The following GPC5 variants were observed in gnomAD, a reference collection of about 807,000 sequenced individuals.
GPC5 encodes glypican 5.
Under a neutral mutation model 53.9 loss-of-function variants are expected in GPC5, and 47 were observed. The observed-to-expected ratio is 0.87, with a 90% CI of 0.69 to 1.11. The LOEUF is 1.11. Ranked by LOEUF, GPC5 falls within the 50% of genes most tolerant of loss-of-function variation. The pLI is 0.00. For missense variants in GPC5, 748 were observed against 713.1 expected (o/e 1.05, Z -0.56); for synonymous variants, 286 against 263.3 (o/e 1.09, Z -0.84).
rs578106549 is a variant in GPC5 at position 92,292,768 on chromosome 13, A to G, written c.1561+147779A>G. Among the ~76,000 whole-genome samples, 12 of 152,228 alleles carry G rather than the reference A, an allele frequency of 7.9e-5. 1 individual carries two copies. The South Asian group carries it at 2.1e-3, about 26-fold the overall frequency. ...AAGCCAGTGTCTAGAAGTTTTTCCA[A>G]TGTTATATTCTAGAATTTTTATAGT... On this transcript the variant is annotated intron_variant, in intron 7 of 7. Coordinates refer to ENST00000377067, the MANE Select transcript of GPC5 (RefSeq NM_004466.6).
intron 2 of GPC5, among the ~76,000 whole-genome samples, chr13:91,637,768 T>A (rs1206805541): frequency 6.6e-6 from 1 of 152,102 alleles, no homozygotes; most frequent in African/African-American, 2.4e-5. Context: ...TGGGAAGCAA[T>A]CTTGACCTAC....
At chr13:92,702,364 A>G (rs1309988315) in intron 7 of GPC5, among the ~76,000 whole-genome samples, 1 of 152,096 alleles carries the variant, frequency 6.6e-6, no homozygotes, top group Non-Finnish European at 1.5e-5. Context: ...ATGTCTAAAC[A>G]GCATCTTAAA....
intron 7 of GPC5, among the ~76,000 whole-genome samples, chr13:92,452,652 C>G (rs1303006474): frequency 6.6e-6 from 1 of 152,124 alleles, no homozygotes; most frequent in Non-Finnish European, 1.5e-5. Context: ...ACTGCAACCT[C>G]TGCCTCCCAG....
At chr13:92,386,611 G>A (rs1874738331) in intron 7 of GPC5, among the ~76,000 whole-genome samples, 1 of 151,858 alleles carries the variant, frequency 6.6e-6, no homozygotes, top group African/African-American at 2.4e-5. Context: ...TCACTGAATG[G>A]GAAATAAATT....
chr13:91,928,671 C>T (rs921774276), intron 6 of GPC5, among the ~76,000 whole-genome samples: 11 of 152,140 alleles, frequency 7.2e-5, no homozygotes, highest in East Asian at 1.9e-4. Flanking sequence ...TAAGCAGGCA[C>T]GTAGGGGACT....
At chr13:91,844,040 T>G (rs1273114994) in intron 5 of GPC5, among the ~76,000 whole-genome samples, 2 of 152,186 alleles carry the variant, frequency 1.3e-5, no homozygotes, top group African/African-American at 4.8e-5. Context: ...GTTTTGCGTT[T>G]ATCTGATGTG....
At chr13:92,592,417 T>G (rs1410626728) in intron 7 of GPC5, among the ~76,000 whole-genome samples, 6 of 151,278 alleles carry the variant, frequency 4.0e-5, no homozygotes, top group Non-Finnish European at 8.9e-5. Flanking sequence ...CTCTCTTCCA[T>G]TTTTTTCTTC....
At chr13:92,423,066 C>T (rs117875437) in intron 7 of GPC5, among the ~76,000 whole-genome samples, 56 of 150,802 alleles carry the variant, frequency 3.7e-4, no homozygotes, top group East Asian at 3.4e-3. Context: ...AGTGAGGTCC[C>T]GCTTCCTGGT....
At chr13:92,143,379 A>G (rs1308319406) in intron 6 of GPC5, among the ~76,000 whole-genome samples, 1 of 152,038 alleles carries the variant, frequency 6.6e-6, no homozygotes, top group African/African-American at 2.4e-5. Context: ...TTTCCTTTTT[A>G]GATTTGACTT....
At chr13:92,785,456 A>G (rs1594505853) in intron 7 of GPC5, among the ~76,000 whole-genome samples, 1 of 152,204 alleles carries the variant, frequency 6.6e-6, no homozygotes, top group Non-Finnish European at 1.5e-5. Context: ...AAGAAAACTA[A>G]TCTTCCTAAT....
intron 7 of GPC5, among the ~76,000 whole-genome samples, chr13:92,842,634 C>T (rs961504727): frequency 5.4e-5 from 8 of 147,310 alleles, no homozygotes; most frequent in African/African-American, 2.0e-4. Context: ...TATCTCCCAA[C>T]AATGGGTAGG....
intron 3 of GPC5, among the ~76,000 whole-genome samples, chr13:91,709,360 C>G (rs537366929): frequency 1.1e-4 from 16 of 152,162 alleles, no homozygotes; most frequent in Non-Finnish European, 2.1e-4. Flanking sequence ...CACATTCTGG[C>G]CTTTACCACC....
intron 6 of GPC5, among the ~76,000 whole-genome samples, chr13:92,063,792 T>A (rs1003161857): frequency 7.9e-5 from 12 of 152,178 alleles, no homozygotes; most frequent in African/African-American, 2.9e-4. Flanking sequence ...CATAAAAAGT[T>A]TAATACTTTA....
chr13:92,239,521 CCTT>C, intron 7 of GPC5, among the ~76,000 whole-genome samples: 1 of 151,936 alleles, frequency 6.6e-6, no homozygotes, highest in Admixed American at 6.6e-5. Context: ...CCACTACACA[CCTT>C]CTTTGCGTAT....
chr13:91,656,009 A>G (rs181651335), intron 2 of GPC5, among the ~76,000 whole-genome samples: 26 of 152,192 alleles, frequency 1.7e-4, no homozygotes, highest in Non-Finnish European at 3.8e-4. Flanking sequence ...CCTTTTAGTG[A>G]TCGTTGTGTC....
At chr13:92,518,534 A>G (rs1288174402) in intron 7 of GPC5, among the ~76,000 whole-genome samples, 1 of 152,192 alleles carries the variant, frequency 6.6e-6, no homozygotes, top group East Asian at 1.9e-4. Flanking sequence ...ACTAAGCTTC[A>G]TAAGTGAAGG....
At chr13:92,432,847 C>T (rs1451622133) in intron 7 of GPC5, among the ~76,000 whole-genome samples, 2 of 152,000 alleles carry the variant, frequency 1.3e-5, no homozygotes, top group Non-Finnish European at 2.9e-5. Flanking sequence ...TTTTCCTTTT[C>T]CTTTCCTTTT....
In GPC5 at chr13:92,046,121, G is replaced by GAA. The variant is rs11443585; in HGVS notation, c.1402-98699_1402-98698dup. Among the ~76,000 whole-genome samples the GAA allele has an allele frequency of 1.2e-3, 178 of 147,658 alleles. 1 individual carries two copies. The highest frequency in any genetic ancestry group is 2.1e-3 in the African/African-American group (83 of 40,288). On this transcript the variant is annotated intron_variant, in intron 6 of 7. Coordinates refer to ENST00000377067, the MANE Select transcript of GPC5 (RefSeq NM_004466.6). ...CAACAGAGTGAGACTATATCAAACA[G>GAA]AAAAAAAAAAATTCACTAATGTCTC...
At position 91,712,840 on chromosome 13, in the gene GPC5, G is replaced by C. The variant is rs57631940; in HGVS notation, c.1021-15692G>C. On this transcript the variant is annotated intron_variant, in intron 3 of 7. Transcript: ENST00000377067. ...CCGCCATCTTAGAATTATTAAGCCT[G>C]TTGAAAAAAAAAAGAGATCATGTTA... 5.3e-3 allele frequency among the ~76,000 whole-genome samples: 788 copies of C among 149,974 alleles called. 6 individuals are homozygous for C. The highest frequency in any genetic ancestry group is 0.018 in the African/African-American group (746 of 40,920).
Sources: allele counts gnomAD v4.1 joint callset (sites outside exome capture counted in the v4.1 genomes callset), GRCh38; gene constraint gnomAD v4.1.1; transcripts MANE v1.5; gene names NCBI Gene and HGNC (gene_info 2026-07-23, HGNC 2026-07-21).